The following TEP1 variants were observed in gnomAD, a reference collection of about 807,000 sequenced individuals.
TEP1 encodes telomerase protein component 1.
TEP1 carries 241 observed loss-of-function variants against 306.3 expected under a neutral mutation model. That is an observed-to-expected ratio of 0.79 (90% CI 0.71 to 0.88). The LOEUF is 0.88. Among genes scored for constraint, TEP1 ranks in the 40% least tolerant of loss-of-function variants. The probability of loss-of-function intolerance (pLI) is 0.00; values close to 1 mark genes in which losing one functional copy is unlikely to be tolerated. For synonymous variants in TEP1, 1,289 were observed against 1,305.5 expected, an observed-to-expected ratio of 0.99 and a Z score of 0.27; for missense variants, 3,051 against 3,276.1, an observed-to-expected ratio of 0.93 and a Z score of 1.68.
chr14:20,404,059 G>A (rs556075397), intron 5 of TEP1, among the ~76,000 whole-genome samples, 175 bp from the exon 6 acceptor site: 1 of 152,282 alleles, frequency 6.6e-6, no homozygotes, highest in Admixed American at 6.5e-5. Context: ...TTAGAAACAT[G>A]AGGTCCTGGC....
In TEP1 at chr14:20,366,369, C is replaced by T. The variant is rs1480127245; in HGVS notation, c.*2068G>A. The T allele has an allele frequency of 6.6e-6, 1 of 152,206 alleles. No homozygotes were observed. The highest frequency in any genetic ancestry group is 2.4e-5 in the African/African-American group (1 of 41,438). The allele number at this position is 152,206 out of a possible 1,614,324, so 9.4% of individuals were successfully genotyped here. ...AAAGGCAAAAGATTGAAATCAATGA[C>T]TAGGATGATGCCATGCCATAGTTCG... On this transcript the variant is annotated 3_prime_UTR_variant, in exon 55 of 55. Coordinates refer to ENST00000262715, the MANE Select transcript of TEP1 (RefSeq NM_007110.5).
Position 20,410,761 on chromosome 14 carries a change from G to A in TEP1, c.-24-2298C>T, listed in dbSNP as rs370670433. On this transcript the variant is annotated intron_variant, in intron 1 of 54. Transcript: ENST00000262715. ...GGCGGACTCCTTTTTTTTTAAGCATGTTTGCTTATTAGCCCACTTGCTAAT... is the reference window on the plus strand; with the variant it reads ...GGCGGACTCCTTTTTTTTTAAGCATATTTGCTTATTAGCCCACTTGCTAAT... Among the ~76,000 whole-genome samples the A allele has an allele frequency of 2.2e-4, 25 of 112,842 alleles. 1 individual carries two copies. The East Asian group carries it at 4.0e-3, about 18-fold the overall frequency. The allele number at this position is 112,842 out of a possible 152,430, so 74.0% of individuals were successfully genotyped here.
chr14:20,408,517 T>C (rs1879392131), intron 1 of TEP1, 54 bp from the exon 2 acceptor site: 1 of 1,385,592 alleles, frequency 7.2e-7, no homozygotes, highest in African/African-American at 1.4e-5. Flanking sequence ...AGCGTGTATT[T>C]GCATGAGAGC....
In TEP1 at chr14:20,383,449, C is replaced by T. The variant is rs201572632; in HGVS notation, c.3867+39G>A. 1.6e-4 allele frequency: 265 copies of T among 1,613,432 alleles called. 5 individuals are homozygous for T. The East Asian group carries it at 5.1e-3, about 31-fold the overall frequency. On this transcript the variant is annotated intron_variant, in intron 26 of 54. Coordinates refer to ENST00000262715, the MANE Select transcript of TEP1 (RefSeq NM_007110.5). ...TCCGTGCCGTATCCCTCCTTCTCCC[C>T]AGCCTGCCTCCCGACACCCACCTCC...
chr14:20,396,822 G>T, intron 9 of TEP1, 92 bp from the exon 10 acceptor site: 1 of 850,634 alleles, frequency 1.2e-6, no homozygotes, highest in Non-Finnish European at 1.8e-6. Context: ...AGGAGGCTGA[G>T]ACAGAAGGAT....
intron 17 of TEP1, 118 bp downstream of exon 17, chr14:20,389,120 C>T: frequency 1.1e-6 from 1 of 940,036 alleles, no homozygotes; most frequent in African/African-American, 1.6e-5. Context: ...TGCACTCCAG[C>T]CTGAGCGACA....
chr14:20,384,563 A>T (rs1566458689), intron 22 of TEP1, 37 bp downstream of exon 22: 3 of 1,613,294 alleles, frequency 1.9e-6, no homozygotes, highest in Non-Finnish European at 1.7e-6. Flanking sequence ...CTCTCACCAC[A>T]TCTCTGTACA....
rs966832662 is a variant in TEP1, at chr14:20,372,745, G to A, written c.7064C>T (p.Pro2355Leu). ...CAGCCTGTTTCACCTCAAATTTCCG[G>A]GTGCCGAACCCTTCCGCAGTTTCAC... is the stretch of plus-strand genomic sequence containing the variant. ...WQVKLRKGSA[P>L]GNLSLHLNRI... The change falls in exon 49 of 55, where the codon CCC (proline) becomes CTC (leucine). Residue 2355 changes from proline to leucine, a missense_variant. Physicochemically the swap from Pro to Leu is moderately conservative, Grantham distance 98. Around this residue, in one of 3 missense-constraint regions of TEP1, gnomAD observed 1,540 missense variants for 1,705.9 expected, o/e 0.90. Coordinates refer to ENST00000262715, the MANE Select transcript of TEP1 (RefSeq NM_007110.5). 1 of 1,613,960 alleles carries A rather than the reference G, an allele frequency of 6.2e-7. No homozygotes were observed. Among genetic ancestry groups the A allele is most frequent in the Non-Finnish European group, 8.5e-7 (1 of 1,179,996 alleles).
Position 20,380,915 on chromosome 14 carries a change from C to T in TEP1, c.4762+16G>A. On this transcript the variant is annotated intron_variant, in intron 33 of 54. Coordinates refer to ENST00000262715, the MANE Select transcript of TEP1 (RefSeq NM_007110.5). The stretch of plus-strand genomic sequence containing the variant: ...CCCATATCTCAGAGAAGAACCCAGC[C>T]AGTGACTCATCTCACCATAGAGGGC... The T allele has an allele frequency of 5.0e-6, 8 of 1,605,062 alleles. No individual in the cohort carries two copies. The highest frequency in any genetic ancestry group is 6.8e-6 in the Non-Finnish European group (8 of 1,171,942).
rs1876521906 is a variant in TEP1, at chr14:20,381,477, G to C, written c.4558+76C>G. On this transcript the variant is annotated intron_variant, in intron 31 of 54. Coordinates refer to ENST00000262715, the MANE Select transcript of TEP1 (RefSeq NM_007110.5). The surrounding 1 kb of genome is among the most constrained non-coding windows in gnomAD (Gnocchi z 4.0). ...CAGTAGGTGAGCTGGCCAGCAGATG[G>C]GAGCACAGTGGGTGGTCCTGGCCTC... 1 of 1,612,424 alleles carries C rather than the reference G, an allele frequency of 6.2e-7. No homozygotes were observed. The highest frequency in any genetic ancestry group is 8.5e-7 in the Non-Finnish European group (1 of 1,179,856).
chr14:20,397,766 T>C (rs1878323290), intron 9 of TEP1, among the ~76,000 whole-genome samples: 1 of 152,092 alleles, frequency 6.6e-6, no homozygotes, highest in African/African-American at 2.4e-5. Context: ...CTTTTCTTTT[T>C]TTTTTGAGAC....
At position 20,368,259 on chromosome 14, in the gene TEP1, T is replaced by A; in HGVS notation, c.*178A>T. The A allele has an allele frequency of 1.7e-6, 1 of 596,000 alleles. No homozygotes were observed. The allele number at this position is 596,000 out of a possible 1,614,324, so 36.9% of individuals were successfully genotyped here. On this transcript the variant is annotated 3_prime_UTR_variant, in exon 55 of 55. Coordinates refer to ENST00000262715, the MANE Select transcript of TEP1 (RefSeq NM_007110.5). ...AATGTACATATACATACACATAGAATATCCTCCTGTTCTAAATCCACATGA... is the reference window on the plus strand; with the variant it reads ...AATGTACATATACATACACATAGAAAATCCTCCTGTTCTAAATCCACATGA...
intron 2 of TEP1, 30 bp downstream of exon 2, chr14:20,407,843 G>A (rs781509293): frequency 2.2e-5 from 34 of 1,526,064 alleles, no homozygotes; most frequent in Non-Finnish European, 2.8e-5. Context: ...AGACATGGCT[G>A]GAGTCAAGAT....
Position 20,401,561 on chromosome 14 carries a change from T to G in TEP1, c.1287A>C (p.Thr429=). ...TTGGAGGATTCTTTTTCTCTGACAC[T>G]GTATCACCGGCCTTCTCAAACTGTG... The part of the protein sequence containing the change: ...EQRKFEKAGD[T]VSEKKNPPRF... Residue 429 remains threonine, a synonymous_variant, in exon 8 of 55, where the codon ACA becomes ACC. Transcript: ENST00000262715. 1 of 1,614,172 alleles carries G rather than the reference T, an allele frequency of 6.2e-7. No homozygotes were observed.
chr14:20,406,288 G>A lies in TEP1; in HGVS notation c.680C>T (p.Ser227Phe), dbSNP rs1879168788. The A allele has an allele frequency of 6.2e-7, 1 of 1,614,000 alleles. No individual in the cohort carries two copies. Among genetic ancestry groups the A allele is most frequent in the South Asian group, 1.1e-5 (1 of 91,090 alleles). The change falls in exon 3 of 55, where the codon TCT (serine) becomes TTT (phenylalanine). Residue 227 changes from serine (S) to phenylalanine (F), a missense_variant. Around this residue, in one of 3 missense-constraint regions of TEP1, gnomAD observed 1,507 missense variants for 1,550.5 expected, o/e 0.97. Coordinates refer to ENST00000262715, the MANE Select transcript of TEP1 (RefSeq NM_007110.5). ...CTCTGGATGAGATTCAGAGTCTCCA[G>A]AGGTGAGCTTCACGGCCAGATCCTC... is the stretch of plus-strand genomic sequence containing the variant. ...EVEDLAVKLT[S>F]GDSESHPEPT...
Position 20,385,022 on chromosome 14 carries a change from G to C in TEP1, c.3070C>G (p.Gln1024Glu). The C allele has an allele frequency of 6.2e-7, 1 of 1,614,194 alleles. No homozygotes were observed. Among genetic ancestry groups the C allele is most frequent in the African/African-American group, 1.3e-5 (1 of 75,046 alleles). ...GAATCCCGGAAGTAGATGAGAGCTTGGGCAGAGGGCTGCAGACGTTGGTTC... is the reference window on the plus strand; with the variant it reads ...GAATCCCGGAAGTAGATGAGAGCTTCGGCAGAGGGCTGCAGACGTTGGTTC... Reference protein sequence around the residue: ...NRNQRLQPSAQALIYFRDSSF... With the variant: ...NRNQRLQPSAEALIYFRDSSF... The change falls in exon 21 of 55, where the codon CAA becomes GAA. Residue 1024 changes from glutamine (Q) to glutamate (E), a missense_variant. Around this residue, in one of 3 missense-constraint regions of TEP1, gnomAD observed 1,507 missense variants for 1,550.5 expected, o/e 0.97. Coordinates refer to ENST00000262715, the MANE Select transcript of TEP1 (RefSeq NM_007110.5).
Position 20,385,011 on chromosome 14 carries a change from G to A in TEP1, c.3081C>T (p.Ile1027=), listed in dbSNP as rs760212620. Residue 1027 remains isoleucine, a synonymous_variant, in exon 21 of 55, where the codon ATC becomes ATT. Coordinates refer to ENST00000262715, the MANE Select transcript of TEP1 (RefSeq NM_007110.5). ...TGAGGAAGCTGGAATCCCGGAAGTA[G>A]ATGAGAGCTTGGGCAGAGGGCTGCA... ...QRLQPSAQAL[I]YFRDSSFLSS... is the part of the protein sequence containing the mutation. 1.2e-6 allele frequency: 2 copies of A among 1,614,248 alleles called. No homozygotes were observed. Among genetic ancestry groups the A allele is most frequent in the South Asian group, 2.2e-5 (2 of 91,088 alleles).
Position 20,371,290 on chromosome 14 carries a change from C to T in TEP1, c.7245G>A (p.Met2415Ile), listed in dbSNP as rs368257268. 7.0e-5 allele frequency: 113 copies of T among 1,614,026 alleles called. No individual in the cohort carries two copies. The highest frequency in any genetic ancestry group is 1.6e-4 in the Middle Eastern group (1 of 6,084). The stretch of plus-strand genomic sequence containing the variant: ...CATACTCCTTGTGGGTGGACAATAT[C>T]ATAGGATTTTCTGTATAGCTGCTCC... Reference protein sequence around the residue: ...EIWSSYTENPMILSTHKEYGI... With the variant: ...EIWSSYTENPIILSTHKEYGI... Residue 2415 changes from methionine to isoleucine, a missense_variant, in exon 51 of 55, where the codon ATG (methionine) becomes ATA (isoleucine). Met to Ile is a conservative substitution (Grantham distance 10). Transcript: ENST00000262715.
intron 12 of TEP1, among the ~76,000 whole-genome samples, chr14:20,393,183 C>G (rs571936039): frequency 2.6e-5 from 4 of 151,286 alleles, no homozygotes; most frequent in African/African-American, 9.7e-5. Context: ...TGCCACTGCA[C>G]TCCAGCCTGG....
Sources: gnomAD v4.1 joint callset for allele counts (sites outside exome capture counted in the v4.1 genomes callset) on GRCh38, gnomAD v4.1.1 for gene constraint, gnomAD v4.1.1 regional missense constraint, Gnocchi (gnomAD v3.1) non-coding constraint, MANE v1.5 for transcripts, NCBI Gene and HGNC (gene_info 2026-07-23, HGNC 2026-07-21) for gene names.